The following AGO2 variants were observed in gnomAD, a reference collection of about 807,000 sequenced individuals.
The protein encoded by AGO2 is protein argonaute-2.
AGO2 carries 5 observed loss-of-function variants against 102.3 expected under a neutral mutation model. The ratio of observed to expected loss-of-function variants is 0.05; its 90% CI spans 0.03 to 0.10. AGO2 has a LOEUF of 0.10. Ranked by LOEUF, AGO2 falls within the 10% of genes least tolerant of loss-of-function variation. AGO2 has a pLI of 1.00. For missense variants in AGO2, 541 were observed against 1,183.7 expected (o/e 0.46, Z 7.97); for synonymous variants, 449 against 473.1 (o/e 0.95, Z 0.66).
chr8:140,539,582 G>T lies in AGO2; in HGVS notation c.2035-128C>A. 1 of 1,165,124 alleles carries T rather than the reference G, an allele frequency of 8.6e-7. No individual in the cohort carries two copies. The highest frequency in any genetic ancestry group is 2.5e-5 in the East Asian group (1 of 39,628). 72.2% of individuals were successfully genotyped at this position (1,165,124 alleles called of 1,614,324 possible). A position where few individuals can be genotyped will look rare whatever the true frequency, so the allele number is the denominator to read the frequency against. On this transcript the variant is annotated intron_variant, in intron 15 of 18. Transcript: ENST00000220592. This position sits in a 1 kb window ranked among gnomAD's most constrained non-coding sequence, Gnocchi z 4.7. ...TCTGAGAGACAATGAGTGTGTTCAC[G>T]GGGAGGTGAAAACACGGGGGCAGAA...
At position 140,528,445 on chromosome 8, in the gene AGO2, T is replaced by G. The variant is rs2072538520; in HGVS notation, c.*3599A>C. On this transcript the variant is annotated 3_prime_UTR_variant, in exon 19 of 19. Coordinates refer to ENST00000220592, the MANE Select transcript of AGO2 (RefSeq NM_012154.5). The surrounding 1 kb of genome is among the most constrained non-coding windows in gnomAD (Gnocchi z 4.5). ...TGACATGATCTGTTCTAATGGGCACTCCGTCACGGGGGTAAACATTAGTGA... is the reference window on the plus strand; with the variant it reads ...TGACATGATCTGTTCTAATGGGCACGCCGTCACGGGGGTAAACATTAGTGA... 1 of 152,170 alleles carries G rather than the reference T, an allele frequency of 6.6e-6. No homozygotes were observed. Among genetic ancestry groups the G allele is most frequent in the African/African-American group, 2.4e-5 (1 of 41,418 alleles). The allele number at this position is 152,170 out of a possible 1,614,324, so 9.4% of individuals were successfully genotyped here.
Position 140,522,564 on chromosome 8 carries a change from A to AAC in AGO2, c.*9479_*9480insGT, listed in dbSNP as rs1554696447. On this transcript the variant is annotated 3_prime_UTR_variant, in exon 19 of 19. Coordinates refer to ENST00000220592, the MANE Select transcript of AGO2 (RefSeq NM_012154.5). ...AAAAGAAACATGAAAAAAAAAAAAA[A>AAC]CCCTGAAAAAGTCGCAAGACTTTTA... 1.3e-3 allele frequency: 198 copies of AAC among 149,732 alleles called. No individual in the cohort carries two copies. The highest frequency in any genetic ancestry group is 4.4e-3 in the African/African-American group (177 of 40,584). The allele number at this position is 149,732 out of a possible 1,614,324, so 9.3% of individuals were successfully genotyped here.
chr8:140,595,837 TTGTATATATTATATTTATATTATATAC>T (rs2073825278), intron 1 of AGO2, among the ~76,000 whole-genome samples: 1 of 29,616 alleles, frequency 3.4e-5, no homozygotes, highest in Non-Finnish European at 6.1e-5. Flanking sequence ...TTATATACAA[TTGTATATATTATATTTATATTATATAC>T]AATTGTATAT....
the AGO2 span, among the ~76,000 whole-genome samples, chr8:140,640,773 C>G: frequency 3.3e-5 from 5 of 152,286 alleles, no homozygotes; most frequent in East Asian, 9.6e-4. Flanking sequence ...CCCGCCTTGG[C>G]CTCCCAAAGT....
Position 140,562,558 on chromosome 8 carries a change from A to G in AGO2, c.413T>C (p.Val138Ala), listed in dbSNP as rs1357591591. ...TGCATCGTGTAACGCCTGCAAGCTC[A>G]CGCAGGACACCCACTTGATGGACAC... ...FKVSIKWVSC[V>A]SLQALHDALS... Residue 138 changes from valine to alanine, a missense_variant, in exon 4 of 19, where the codon GTG becomes GCG. Val to Ala is a moderately conservative substitution (Grantham distance 64, BLOSUM62 0). This residue lies in a region of AGO2 where 147 missense variants were observed against 204.1 expected (regional missense o/e 0.72). Transcript: ENST00000220592. 6.2e-7 allele frequency: 1 copy of G among 1,613,986 alleles called. No individual in the cohort carries two copies. The highest frequency in any genetic ancestry group is 2.2e-5 in the East Asian group (1 of 44,888).
In AGO2 at chr8:140,590,567, C is replaced by T. The variant is rs1000670213; in HGVS notation, c.23-5256G>A. Among the ~76,000 whole-genome samples, 11 of 152,332 alleles carry T rather than the reference C, an allele frequency of 7.2e-5. No homozygotes were observed. The Middle Eastern group carries it at 0.01, about 141-fold the overall frequency. On this transcript the variant is annotated intron_variant, in intron 1 of 18. Coordinates refer to ENST00000220592, the MANE Select transcript of AGO2 (RefSeq NM_012154.5). ...GAAGCGGAGGCACAAACATGCCCCA[C>T]GGTGGAAGGGAGTCAACAGAACCCA...
intron 1 of AGO2, among the ~76,000 whole-genome samples, chr8:140,624,946 A>G (rs2152109000): frequency 6.6e-6 from 1 of 152,250 alleles, no homozygotes; most frequent in East Asian, 1.9e-4. Context: ...GCTCCTTCCA[A>G]CGGCCCCCTT....
intron 1 of AGO2, among the ~76,000 whole-genome samples, chr8:140,613,123 C>T (rs1251375458): frequency 6.6e-6 from 1 of 152,102 alleles, no homozygotes; most frequent in Admixed American, 6.5e-5. Context: ...TGGCGTGAAC[C>T]CGGGAGGCGG....
chr8:140,560,768 G>A (rs1773233654), intron 4 of AGO2, among the ~76,000 whole-genome samples: 1 of 152,230 alleles, frequency 6.6e-6, no homozygotes, highest in African/African-American at 2.4e-5. Context: ...CCGCACAGGT[G>A]GATCACAAGC....
intron 3 of AGO2, among the ~76,000 whole-genome samples, chr8:140,571,316 C>T (rs1267707264): frequency 6.6e-6 from 1 of 152,174 alleles, no homozygotes; most frequent in Non-Finnish European, 1.5e-5. Flanking sequence ...ATTGCTGGGC[C>T]CTGCTGACCA....
At chr8:140,613,343 T>C (rs2074104904) in intron 1 of AGO2, among the ~76,000 whole-genome samples, 1 of 152,270 alleles carries the variant, frequency 6.6e-6, no homozygotes, top group African/African-American at 2.4e-5. Context: ...TCATTATATT[T>C]TGTTTTAGAA....
rs376412084 is a variant in AGO2 at position 140,577,453 on chromosome 8, T to C, written c.216-4521A>G. Among the ~76,000 whole-genome samples, 8 of 152,314 alleles carry C rather than the reference T, an allele frequency of 5.3e-5. No individual in the cohort carries two copies. The East Asian group carries it at 1.4e-3, about 26-fold the overall frequency. ...TTGTGGTGGTTCTTACAGGAGTGTA[T>C]ACCTTTTTTAAAGATCATAGGCCTA... On this transcript the variant is annotated intron_variant, in intron 2 of 18. Coordinates refer to ENST00000220592, the MANE Select transcript of AGO2 (RefSeq NM_012154.5).
intron 1 of AGO2, among the ~76,000 whole-genome samples, chr8:140,618,669 A>T (rs903763828): frequency 1.4e-4 from 22 of 152,204 alleles, no homozygotes; most frequent in African/African-American, 5.3e-4. Context: ...CTCTACAAAA[A>T]ACACAAAAAA....
In AGO2 at chr8:140,539,841, G is replaced by A. The variant is rs903196899; in HGVS notation, c.2035-387C>T. Among the ~76,000 whole-genome samples, 3 of 152,164 alleles carry A rather than the reference G, an allele frequency of 2.0e-5. No homozygotes were observed. Among genetic ancestry groups the A allele is most frequent in the Non-Finnish European group, 2.9e-5 (2 of 68,034 alleles). ...CAGTGGCTCATGCCTGTAATCCCAG[G>A]ACTTTGGGAGGCCGAGTTGGGCGGA... On this transcript the variant is annotated intron_variant, in intron 15 of 18. Transcript: ENST00000220592. The surrounding 1 kb of genome is among the most constrained non-coding windows in gnomAD (Gnocchi z 4.7).
Position 140,557,361 on chromosome 8 carries a change from G to T in AGO2, c.879-125C>A. 1 of 1,195,562 alleles carries T rather than the reference G, an allele frequency of 8.4e-7. No individual in the cohort carries two copies. Among genetic ancestry groups the T allele is most frequent in the Non-Finnish European group, 1.2e-6 (1 of 869,348 alleles). 74.1% of individuals were successfully genotyped at this position (1,195,562 alleles called of 1,614,324 possible). A position where few individuals can be genotyped will look rare whatever the true frequency, so the allele number is the denominator to read the frequency against. On this transcript the variant is annotated intron_variant, in intron 7 of 18. Coordinates refer to ENST00000220592, the MANE Select transcript of AGO2 (RefSeq NM_012154.5). The surrounding 1 kb of genome is among the most constrained non-coding windows in gnomAD (Gnocchi z 5.9). Reference sequence around the variant, plus strand: ...GCAAACATTCAGAGCACTTCCGGGAGTGAAAACCATGTCATGTGCTTTGGG... The same window carrying T: ...GCAAACATTCAGAGCACTTCCGGGATTGAAAACCATGTCATGTGCTTTGGG...
chr8:140,570,926 T>C (rs892756091), intron 3 of AGO2, among the ~76,000 whole-genome samples: 155 of 152,230 alleles, frequency 1.0e-3, no homozygotes, highest in African/African-American at 3.6e-3. Flanking sequence ...ATGCCCGCCT[T>C]GTGTGTAAAT....
At chr8:140,579,186 G>A (rs1352724045) in intron 2 of AGO2, among the ~76,000 whole-genome samples, 2 of 151,230 alleles carry the variant, frequency 1.3e-5, no homozygotes, top group African/African-American at 2.4e-5. Context: ...CTGCGTCACT[G>A]CACTCCAGCC....
rs186450976 is a variant in AGO2, at chr8:140,523,840, T to C, written c.*8204A>G. The stretch of plus-strand genomic sequence containing the variant: ...ATTCCTTGCCTTGCAGGATGGTGGG[T>C]TGGGGGAGAAAGAGGGGAGGGCCAA... On this transcript the variant is annotated 3_prime_UTR_variant, in exon 19 of 19. Transcript: ENST00000220592. 1.5e-3 allele frequency: 229 copies of C among 151,728 alleles called. No individual in the cohort carries two copies. Among genetic ancestry groups the C allele is most frequent in the Non-Finnish European group, 2.9e-3 (198 of 67,874 alleles). 9.4% of individuals were successfully genotyped at this position (151,728 alleles called of 1,614,324 possible).
intron 9 of AGO2, 24 bp from the exon 10 acceptor site, chr8:140,556,042 G>A (rs766014321): frequency 1.8e-5 from 29 of 1,613,440 alleles, no homozygotes; most frequent in South Asian, 4.4e-5. Context: ...ACAAGAAAAC[G>A]CACGGAGTGG....
Sources: gnomAD v4.1 joint callset for allele counts (sites outside exome capture counted in the v4.1 genomes callset) on GRCh38, gnomAD v4.1.1 for gene constraint, gnomAD v4.1.1 regional missense constraint, Gnocchi (gnomAD v3.1) non-coding constraint, MANE v1.5 for transcripts, NCBI Gene and HGNC (gene_info 2026-07-23, HGNC 2026-07-21) for gene names.